ANKH: variants seen among roughly 807,000 people sequenced by gnomAD.
ANKH encodes mineralization regulator ANKH.
A neutral mutation model predicts 49.0 loss-of-function variants in ANKH; 15 were observed. The observed-to-expected ratio is 0.31, with a 90% CI of 0.20 to 0.47. ANKH has a LOEUF of 0.47. Ranked by LOEUF, ANKH falls within the 20% of genes least tolerant of loss-of-function variation. The pLI, the probability that ANKH is intolerant of heterozygous loss-of-function variation, is 1.00. For missense variants in ANKH, 429 were observed against 652.0 expected, an observed-to-expected ratio of 0.66 and a Z score of 3.72; for synonymous variants, 273 against 260.0, an observed-to-expected ratio of 1.05 and a Z score of -0.48.
intron 1 of ANKH, chr5:14,797,081 A>T: frequency 3.0e-6 from 4 of 1,350,602 alleles, no homozygotes. Context: ...GGGGTTGAGA[A>T]GAAAAAAGGG....
chr5:14,809,335 T>TAAAAAAAAAAAAAAAAAAAAAAGAAAAAA (rs1740805400), intron 1 of ANKH, among the ~76,000 whole-genome samples: 1 of 80,858 alleles, frequency 1.2e-5, no homozygotes, highest in Non-Finnish European at 2.4e-5. Flanking sequence ...TAGAGTATAA[T>TAAAAAAAAAAAAAAAAAAAAAAGAAAAAA]AAAAAAAAAA....
At chr5:14,730,489 C>T (rs1737961266) in intron 8 of ANKH, among the ~76,000 whole-genome samples, 1 of 152,130 alleles carries the variant, frequency 6.6e-6, no homozygotes, top group Non-Finnish European at 1.5e-5. Context: ...AGGAGGAAAA[C>T]AGAAGGCATC....
Position 14,710,848 on chromosome 5 carries a change from T to C in ANKH, c.*349A>G, listed in dbSNP as rs146084864. 2.9e-4 allele frequency: 101 copies of C among 350,128 alleles called. No homozygotes were observed. Among genetic ancestry groups the C allele is most frequent in the African/African-American group, 1.9e-3 (89 of 47,004 alleles). 21.7% of individuals were successfully genotyped at this position (350,128 alleles called of 1,614,324 possible). On this transcript the variant is annotated 3_prime_UTR_variant, in exon 12 of 12. Transcript: ENST00000284268. ...GCTGTGCAGGGTGACCGAGGCGCGA[T>C]GGCACAGCTGCAGTCCTTTGGTTCC...
chr5:14,736,635 TCTC>T (rs1738193293), intron 8 of ANKH, among the ~76,000 whole-genome samples: 1 of 152,088 alleles, frequency 6.6e-6, no homozygotes, highest in South Asian at 2.1e-4. Flanking sequence ...CTCTCTCCCT[TCTC>T]CTTCTGACCT....
chr5:14,801,030 C>A (rs73050649), intron 1 of ANKH, among the ~76,000 whole-genome samples: 1 of 152,122 alleles, frequency 6.6e-6, no homozygotes, highest in Non-Finnish European at 1.5e-5. Context: ...CCAGCCCAAA[C>A]GTAACTTTTA....
chr5:14,814,350 C>T (rs1251813650), intron 1 of ANKH, among the ~76,000 whole-genome samples: 1 of 152,190 alleles, frequency 6.6e-6, no homozygotes, highest in Non-Finnish European at 1.5e-5. Flanking sequence ...CCTGTAATCC[C>T]AGCACTTTGG....
At chr5:14,721,654 G>C (rs1442804302) in intron 8 of ANKH, among the ~76,000 whole-genome samples, 3 of 152,170 alleles carry the variant, frequency 2.0e-5, no homozygotes, top group Admixed American at 2.0e-4. Context: ...ATGGTGAGCT[G>C]GGCGTGGTGG....
chr5:14,850,871 T>A (rs1471296498), intron 1 of ANKH, among the ~76,000 whole-genome samples: 2 of 146,418 alleles, frequency 1.4e-5, no homozygotes, highest in Non-Finnish European at 3.0e-5. Context: ...CCTCATCGAG[T>A]TTTTTTTTTT....
At chr5:14,747,969 T>C (rs902684009) in intron 6 of ANKH, among the ~76,000 whole-genome samples, 1 of 152,216 alleles carries the variant, frequency 6.6e-6, no homozygotes, top group Non-Finnish European at 1.5e-5. Context: ...CAAGGAAATG[T>C]ACATAAATGC....
In ANKH at chr5:14,713,464, G is replaced by C; in HGVS notation, c.1265+80C>G. 1 of 1,574,502 alleles carries C rather than the reference G, an allele frequency of 6.4e-7. No homozygotes were observed. The highest frequency in any genetic ancestry group is 8.7e-7 in the Non-Finnish European group (1 of 1,153,084). Reference sequence around the variant, plus strand: ...CTAGACGTGCCTGGGGATTTCCCCTGAAAATGTAGCTGTTAAACCTCTGGA... The same window carrying C: ...CTAGACGTGCCTGGGGATTTCCCCTCAAAATGTAGCTGTTAAACCTCTGGA... On this transcript the variant is annotated intron_variant, in intron 10 of 11. Transcript: ENST00000284268. The surrounding 1 kb of genome is among the most constrained non-coding windows in gnomAD (Gnocchi z 4.4).
intron 9 of ANKH, among the ~76,000 whole-genome samples, chr5:14,714,957 C>G (rs1425368690): frequency 6.6e-6 from 1 of 152,232 alleles, no homozygotes; most frequent in Non-Finnish European, 1.5e-5. Flanking sequence ...GATGGTGGCA[C>G]CTTCCAGAGC....
chr5:14,829,460 G>T (rs1741443403), intron 1 of ANKH, among the ~76,000 whole-genome samples: 1 of 152,106 alleles, frequency 6.6e-6, no homozygotes, highest in African/African-American at 2.4e-5. Context: ...AAATGTCAAA[G>T]TTCTACAAAT....
intron 8 of ANKH, among the ~76,000 whole-genome samples, chr5:14,722,346 T>C (rs188523104): frequency 9.2e-5 from 14 of 152,296 alleles, no homozygotes; most frequent in Non-Finnish European, 1.6e-4. Flanking sequence ...CAATATTCTG[T>C]CAGGACACAG....
intron 8 of ANKH, among the ~76,000 whole-genome samples, chr5:14,738,855 C>T (rs577008741): frequency 6.6e-6 from 1 of 152,242 alleles, no homozygotes; most frequent in African/African-American, 2.4e-5. Context: ...AGAAGATTGC[C>T]ATTCACAAGG....
chr5:14,846,221 G>C (rs1277966735), intron 1 of ANKH, among the ~76,000 whole-genome samples: 1 of 152,174 alleles, frequency 6.6e-6, no homozygotes, highest in Non-Finnish European at 1.5e-5. Context: ...TATGCATAAG[G>C]CAGTGTGTCA....
In ANKH at chr5:14,785,879, A is replaced by T. The variant is rs1480528545; in HGVS notation, c.97-16688T>A. Among the ~76,000 whole-genome samples, 4 of 151,822 alleles carry T rather than the reference A, an allele frequency of 2.6e-5. No homozygotes were observed. The East Asian group carries it at 7.7e-4, about 29-fold the overall frequency. ...ACCAAGATGGTGAAACCCCATCTCTACTAAAAATAAAAAAAAATTAGCCAG... is the reference window on the plus strand; with the variant it reads ...ACCAAGATGGTGAAACCCCATCTCTTCTAAAAATAAAAAAAAATTAGCCAG... On this transcript the variant is annotated intron_variant, in intron 1 of 11. Transcript: ENST00000284268.
chr5:14,808,965 A>C (rs1740787319), intron 1 of ANKH, among the ~76,000 whole-genome samples: 10 of 92,516 alleles, frequency 1.1e-4, no homozygotes, highest in African/African-American at 3.9e-4. Flanking sequence ...CTGGATTAAG[A>C]AAATGTGGCA....
chr5:14,773,548 C>T (rs1289431897), intron 1 of ANKH, among the ~76,000 whole-genome samples: 1 of 151,872 alleles, frequency 6.6e-6, no homozygotes, highest in Non-Finnish European at 1.5e-5. Flanking sequence ...TCATTTAGCC[C>T]AACAATTATG....
chr5:14,729,852 A>C (rs1737940500), intron 8 of ANKH, among the ~76,000 whole-genome samples: 1 of 152,216 alleles, frequency 6.6e-6, no homozygotes, highest in African/African-American at 2.4e-5. Context: ...TGGATTCTTC[A>C]GGCTGCTTCC....
Sources: gnomAD v4.1 joint callset for allele counts (sites outside exome capture counted in the v4.1 genomes callset) on GRCh38, gnomAD v4.1.1 for gene constraint, Gnocchi (gnomAD v3.1) non-coding constraint, MANE v1.5 for transcripts, NCBI Gene and HGNC (gene_info 2026-07-23, HGNC 2026-07-21) for gene names.